The following SLC39A12 variants were observed in gnomAD, a reference collection of about 807,000 sequenced individuals.
SLC39A12 encodes the protein zinc transporter ZIP12.
SLC39A12 carries 63 observed loss-of-function variants against 71.1 expected under a neutral mutation model. That is an observed-to-expected ratio of 0.89 (90% CI 0.72 to 1.09). The LOEUF (loss-of-function observed/expected upper bound fraction) is 1.09, where lower values mean the gene tolerates loss of function less well. SLC39A12 is among the 50% of genes least tolerant of loss of function. The pLI, the probability that SLC39A12 is intolerant of heterozygous loss-of-function variation, is 0.00. For synonymous variants in SLC39A12, 351 were observed against 301.3 expected (o/e 1.16, Z -1.71); for missense variants, 892 against 812.6 (o/e 1.10, Z -1.19).
chr10:18,022,855 T>C (rs1203011684), intron 12 of SLC39A12, among the ~76,000 whole-genome samples: 3 of 152,212 alleles, frequency 2.0e-5, no homozygotes, highest in Non-Finnish European at 4.4e-5. Context: ...AAGTTCTTTT[T>C]TTGTGGCTGA....
chr10:17,967,468 C>T (rs1834855954), intron 4 of SLC39A12, among the ~76,000 whole-genome samples: 1 of 152,198 alleles, frequency 6.6e-6, no homozygotes, highest in Non-Finnish European at 1.5e-5. Flanking sequence ...CCCCTCGTCA[C>T]TACTTCATCT....
At chr10:18,040,888 C>T (rs1356556065) in intron 12 of SLC39A12, among the ~76,000 whole-genome samples, 1 of 151,648 alleles carries the variant, frequency 6.6e-6, no homozygotes, top group Non-Finnish European at 1.5e-5. Flanking sequence ...ATTTTTATCC[C>T]CCAGAGAAAA....
chr10:18,034,979 A>G (rs1332146687), intron 12 of SLC39A12, among the ~76,000 whole-genome samples: 1 of 149,368 alleles, frequency 6.7e-6, no homozygotes, highest in African/African-American at 2.5e-5. Flanking sequence ...ATTGGCCCCC[A>G]CTCTCTTCTG....
chr10:17,983,351 G>A (rs1835316274), intron 6 of SLC39A12, among the ~76,000 whole-genome samples: 1 of 151,976 alleles, frequency 6.6e-6, no homozygotes, highest in African/African-American at 2.4e-5. Context: ...AGCCAGGCAT[G>A]GTGGCACGTA....
intron 12 of SLC39A12, among the ~76,000 whole-genome samples, chr10:18,023,061 T>A (rs893631960): frequency 6.6e-6 from 1 of 152,128 alleles, no homozygotes; most frequent in East Asian, 1.9e-4. Flanking sequence ...CCTCTCCTAC[T>A]TGAGTGCTGG....
At chr10:18,013,662 T>A (rs1453257139) in intron 12 of SLC39A12, among the ~76,000 whole-genome samples, 2 of 152,194 alleles carry the variant, frequency 1.3e-5, no homozygotes, top group African/African-American at 2.4e-5. Flanking sequence ...TGAGCCACCA[T>A]GTTCAGCCTG....
chr10:18,035,802 A>G (rs1420684359), intron 12 of SLC39A12, among the ~76,000 whole-genome samples: 2 of 152,022 alleles, frequency 1.3e-5, no homozygotes, highest in African/African-American at 4.8e-5. Flanking sequence ...GTCTTTGATG[A>G]TGGTGATGTA....
chr10:18,017,576 A>G (rs1836421648), intron 12 of SLC39A12, among the ~76,000 whole-genome samples: 1 of 152,282 alleles, frequency 6.6e-6, no homozygotes, highest in East Asian at 1.9e-4. Flanking sequence ...AGAATGTAAG[A>G]CTGTGTCTAG....
chr10:18,040,482 C>G (rs970067934), intron 12 of SLC39A12, among the ~76,000 whole-genome samples: 1 of 152,042 alleles, frequency 6.6e-6, no homozygotes, highest in Non-Finnish European at 1.5e-5. Flanking sequence ...AAAAATGTGT[C>G]AACCTGGCCA....
chr10:17,963,203 G>A (rs575862129), intron 3 of SLC39A12, among the ~76,000 whole-genome samples: 3 of 152,014 alleles, frequency 2.0e-5, no homozygotes, highest in Admixed American at 1.3e-4. Context: ...AGAAAAAGGG[G>A]TTCCTTTACA....
chr10:18,000,713 C>T lies in SLC39A12; in HGVS notation c.1647C>T (p.Ser549=), dbSNP rs1463850258. The change falls in exon 11 of 13, where the codon AGC becomes AGT. Residue 549 remains serine, a synonymous_variant. Transcript: ENST00000377369. The part of the protein sequence containing the change: ...LLAIMILVGD[S]LHNFADGLAI... ...CAATCATGATTCTGGTTGGGGACAG[C>T]CTGCATAATTTTGCAGATGGCCTAG... 5.0e-6 allele frequency: 8 copies of T among 1,614,042 alleles called. No homozygotes were observed. The highest frequency in any genetic ancestry group is 6.8e-6 in the Non-Finnish European group (8 of 1,180,022).
intron 12 of SLC39A12, among the ~76,000 whole-genome samples, chr10:18,027,889 A>G (rs749886315): frequency 3.6e-4 from 55 of 152,208 alleles, no homozygotes; most frequent in Non-Finnish European, 1.8e-4. Context: ...AAACTAAGCC[A>G]TTTACAAATG....
At chr10:18,037,705 C>T (rs1291919011) in intron 12 of SLC39A12, among the ~76,000 whole-genome samples, 1 of 151,996 alleles carries the variant, frequency 6.6e-6, no homozygotes, top group East Asian at 1.9e-4. Flanking sequence ...ACCTGAAAGA[C>T]CTGGCAGGAA....
At chr10:18,041,341 C>T (rs772220160) in intron 12 of SLC39A12, among the ~76,000 whole-genome samples, 9 of 151,416 alleles carry the variant, frequency 5.9e-5, no homozygotes, top group Non-Finnish European at 1.0e-4. Flanking sequence ...CCAAAACATA[C>T]AAAAATTAGC....
chr10:18,013,381 T>C (rs1224826735), intron 12 of SLC39A12, among the ~76,000 whole-genome samples: 1 of 128,048 alleles, frequency 7.8e-6, no homozygotes, highest in African/African-American at 2.8e-5. Flanking sequence ...TTATTATTAT[T>C]ATTAGAGACA....
intron 2 of SLC39A12, among the ~76,000 whole-genome samples, chr10:17,955,446 A>G (rs1220712651): frequency 6.6e-6 from 1 of 152,190 alleles, no homozygotes; most frequent in Non-Finnish European, 1.5e-5. Flanking sequence ...CCCATCATTC[A>G]TGAAAAGAGG....
At chr10:17,991,775 A>G (rs911042453) in intron 8 of SLC39A12, among the ~76,000 whole-genome samples, 1 of 152,166 alleles carries the variant, frequency 6.6e-6, no homozygotes, top group East Asian at 1.9e-4. Flanking sequence ...TTCTTTTATT[A>G]TACCAGTAGC....
chr10:18,034,185 A>C (rs1358299415), intron 12 of SLC39A12, among the ~76,000 whole-genome samples: 1 of 152,014 alleles, frequency 6.6e-6, no homozygotes, highest in Non-Finnish European at 1.5e-5. Flanking sequence ...TGCAGAGCTG[A>C]GTTCAATTCC....
intron 2 of SLC39A12, among the ~76,000 whole-genome samples, chr10:17,956,785 T>C (rs1039848989): frequency 2.6e-5 from 4 of 152,210 alleles, no homozygotes; most frequent in Non-Finnish European, 5.9e-5. Flanking sequence ...ATAACTGTCA[T>C]GGAATAAAGT....
Sources: allele counts gnomAD v4.1 joint callset (sites outside exome capture counted in the v4.1 genomes callset), GRCh38; gene constraint gnomAD v4.1.1; transcripts MANE v1.5; gene names NCBI Gene and HGNC (gene_info 2026-07-23, HGNC 2026-07-21).